RCVRN: variants seen among roughly 807,000 people sequenced by gnomAD.
The protein encoded by RCVRN is recoverin.
Under a neutral mutation model 20.4 loss-of-function variants are expected in RCVRN, and 23 were observed. That is an observed-to-expected ratio of 1.13 (90% CI 0.81 to 1.60). The LOEUF (loss-of-function observed/expected upper bound fraction) is 1.60. RCVRN is among the 40% of genes most tolerant of loss of function. The pLI is 0.00. For synonymous variants in RCVRN, 105 were observed against 105.9 expected (o/e 0.99, Z 0.05); for missense variants, 254 against 254.2 (o/e 1.00, Z 0.00).
At chr17:9,903,081 G>C (rs551253464) in intron 1 of RCVRN, among the ~76,000 whole-genome samples, 4 of 152,140 alleles carry the variant, frequency 2.6e-5, no homozygotes, top group Non-Finnish European at 4.4e-5. Context: ...ATAAAAAATC[G>C]TATGTGAATA....
chr17:9,900,446 C>A (rs1597414973), intron 2 of RCVRN, among the ~76,000 whole-genome samples: 1 of 131,700 alleles, frequency 7.6e-6, no homozygotes, highest in African/African-American at 4.4e-5. Context: ...GACTGCACTG[C>A]AGTCTCGGGC....
chr17:9,904,448 GTAAC>G lies in RCVRN; in HGVS notation c.381+348_381+351del, dbSNP rs1473152904. 2.0e-5 allele frequency among the ~76,000 whole-genome samples: 3 copies of G among 152,178 alleles called. No homozygotes were observed. The highest frequency in any genetic ancestry group is 7.2e-5 in the African/African-American group (3 of 41,440). On this transcript the variant is annotated intron_variant, in intron 1 of 2. Coordinates refer to ENST00000226193, the MANE Select transcript of RCVRN (RefSeq NM_002903.3). The surrounding 1 kb of genome is among the most constrained non-coding windows in gnomAD (Gnocchi z 5.8). ...ACACTAAATGCATTTGAAAAATAAA[GTAAC>G]TGTGCTATGACGTCACTAGGCAGTA... is the stretch of plus-strand genomic sequence containing the variant.
intron 2 of RCVRN, 97 bp from the exon 3 acceptor site, chr17:9,898,301 G>T: frequency 1.3e-6 from 1 of 764,520 alleles, no homozygotes; most frequent in Non-Finnish European, 2.4e-6. Context: ...TATCCCCAGT[G>T]TGAATGTATC....
chr17:9,904,850 C>T lies in RCVRN; in HGVS notation c.331G>A (p.Val111Met), dbSNP rs753741104. ...TTGCTGATGGTCCCGTTACCGTCCA[C>T]GTCGTAGAGGGAGAAGGCCCACTCC... ...KLEWAFSLYDVDGNGTISKNE... is the reference protein window; with the variant it reads ...KLEWAFSLYDMDGNGTISKNE... Residue 111 changes from valine (V) to methionine (M), a missense_variant, in exon 1 of 3, where the codon GTG becomes ATG. Coordinates refer to ENST00000226193, the MANE Select transcript of RCVRN (RefSeq NM_002903.3). This position sits in a 1 kb window ranked among gnomAD's most constrained non-coding sequence, Gnocchi z 5.8. 3.1e-6 allele frequency: 5 copies of T among 1,614,190 alleles called. No homozygotes were observed. Among genetic ancestry groups the T allele is most frequent in the African/African-American group, 2.7e-5 (2 of 75,042 alleles).
At chr17:9,902,922 G>C (rs1208554138) in intron 1 of RCVRN, among the ~76,000 whole-genome samples, 3 of 152,166 alleles carry the variant, frequency 2.0e-5, no homozygotes, top group African/African-American at 7.2e-5. Context: ...CCAGGAGGGG[G>C]AGGTTGCAGT....
chr17:9,898,739 T>C (rs2067329575), intron 2 of RCVRN, among the ~76,000 whole-genome samples: 1 of 151,986 alleles, frequency 6.6e-6, no homozygotes, highest in South Asian at 2.1e-4. Context: ...AGGGGGAGTG[T>C]GGCTTGCAGA....
chr17:9,904,196 G>C lies in RCVRN; in HGVS notation c.381+604C>G, dbSNP rs7207923. 2.6e-5 allele frequency among the ~76,000 whole-genome samples: 4 copies of C among 152,122 alleles called. No homozygotes were observed. The highest frequency in any genetic ancestry group is 9.7e-5 in the African/African-American group (4 of 41,406). ...GCAGAGGTTGCAGTGAGCCAAGATC[G>C]CACTATTGCACTCCAGCTCTGGGCT... On this transcript the variant is annotated intron_variant, in intron 1 of 2. Coordinates refer to ENST00000226193, the MANE Select transcript of RCVRN (RefSeq NM_002903.3). This position sits in a 1 kb window ranked among gnomAD's most constrained non-coding sequence, Gnocchi z 5.8.
rs185053069 is a variant in RCVRN at position 9,899,497 on chromosome 17, G to A, written c.494-1293C>T. On this transcript the variant is annotated intron_variant, in intron 2 of 2. Transcript: ENST00000226193. This position sits in a 1 kb window ranked among gnomAD's most constrained non-coding sequence, Gnocchi z 4.6. Reference sequence around the variant, plus strand: ...CCCCTCCCGGGATGTTCACCAGGGAGGTTTTCAGATGAGCAAAAAGCAGAA... The same window carrying A: ...CCCCTCCCGGGATGTTCACCAGGGAAGTTTTCAGATGAGCAAAAAGCAGAA... 6.6e-6 allele frequency among the ~76,000 whole-genome samples: 1 copy of A among 152,360 alleles called. No individual in the cohort carries two copies. The highest frequency in any genetic ancestry group is 1.9e-4 in the East Asian group (1 of 5,182).
Position 9,904,997 on chromosome 17 carries a change from G to C in RCVRN, c.184C>G (p.Pro62Ala), listed in dbSNP as rs371347601. ...AACACATGCTGGGCGTAGGCCTTGGGGTCGGTGTCGGGGAAGAACTTGGCG... is the reference window on the plus strand; with the variant it reads ...AACACATGCTGGGCGTAGGCCTTGGCGTCGGTGTCGGGGAAGAACTTGGCG... ...IYAKFFPDTDPKAYAQHVFRS... is the reference protein window; with the variant it reads ...IYAKFFPDTDAKAYAQHVFRS... The change falls in exon 1 of 3, where the codon CCC becomes GCC. Residue 62 changes from proline to alanine, a missense_variant. Transcript: ENST00000226193. The surrounding 1 kb of genome is among the most constrained non-coding windows in gnomAD (Gnocchi z 5.8). 1.2e-6 allele frequency: 2 copies of C among 1,614,190 alleles called. No homozygotes were observed. Among genetic ancestry groups the C allele is most frequent in the Non-Finnish European group, 1.7e-6 (2 of 1,180,036 alleles).
At position 9,897,157 on chromosome 17, in the gene RCVRN, G is replaced by A. The variant is rs77845977; in HGVS notation, c.*938C>T. On this transcript the variant is annotated 3_prime_UTR_variant, in exon 3 of 3. Coordinates refer to ENST00000226193, the MANE Select transcript of RCVRN (RefSeq NM_002903.3). Reference sequence around the variant, plus strand: ...CTACTTCCAACTCCACAGTGGCACCGCTGTCCCCATGGTGAGCCCCCAAGT... The same window carrying A: ...CTACTTCCAACTCCACAGTGGCACCACTGTCCCCATGGTGAGCCCCCAAGT... 0.16 allele frequency: 24,028 copies of A among 152,180 alleles called. 2,506 individuals are homozygous for A. Among genetic ancestry groups the A allele is most frequent in the Non-Finnish European group, 0.24 (16,117 of 68,112 alleles). 9.4% of individuals were successfully genotyped at this position (152,180 alleles called of 1,614,324 possible).
Position 9,897,984 on chromosome 17 carries a change from GT to G in RCVRN, c.*110del. ...CCTTTCTCTTGGCCCTGGGGTGGAT[GT>G]GTGTGTGTGTGTGTGCGCGCGCGTG... On this transcript the variant is annotated 3_prime_UTR_variant, in exon 3 of 3. Coordinates refer to ENST00000226193, the MANE Select transcript of RCVRN (RefSeq NM_002903.3). The G allele has an allele frequency of 2.5e-6, 1 of 404,654 alleles. No individual in the cohort carries two copies. Among genetic ancestry groups the G allele is most frequent in the Non-Finnish European group, 4.5e-6 (1 of 224,610 alleles). 25.1% of individuals were successfully genotyped at this position (404,654 alleles called of 1,614,324 possible). A position where few individuals can be genotyped will look rare whatever the true frequency, so the allele number is the denominator to read the frequency against.
At position 9,899,789 on chromosome 17, in the gene RCVRN, A is replaced by G. The variant is rs1327115384; in HGVS notation, c.493+1200T>C. 6.6e-6 allele frequency among the ~76,000 whole-genome samples: 1 copy of G among 152,114 alleles called. No homozygotes were observed. The highest frequency in any genetic ancestry group is 1.9e-4 in the East Asian group (1 of 5,184). ...AGCGCCTCCTTAAATTCTGTGTCCT[A>G]TGTTCCTCCTACCCCAATGACCTTC... On this transcript the variant is annotated intron_variant, in intron 2 of 2. Transcript: ENST00000226193. The surrounding 1 kb of genome is among the most constrained non-coding windows in gnomAD (Gnocchi z 4.6).
In RCVRN at chr17:9,903,043, T is replaced by C. The variant is rs541011979; in HGVS notation, c.381+1757A>G. 1.2e-3 allele frequency among the ~76,000 whole-genome samples: 187 copies of C among 152,242 alleles called. 1 individual carries two copies. Among genetic ancestry groups the C allele is most frequent in the African/African-American group, 4.2e-3 (175 of 41,544 alleles). On this transcript the variant is annotated intron_variant, in intron 1 of 2. Coordinates refer to ENST00000226193, the MANE Select transcript of RCVRN (RefSeq NM_002903.3). ...TATGTAATGATATGGAAAGCACTCATGATAAAAGAGTAACTGAAAAATGTA... is the reference window on the plus strand; with the variant it reads ...TATGTAATGATATGGAAAGCACTCACGATAAAAGAGTAACTGAAAAATGTA...
At chr17:9,898,239 A>C (rs1234537594) in intron 2 of RCVRN, 35 bp from the exon 3 acceptor site, 1 of 1,351,288 alleles carries the variant, frequency 7.4e-7, no homozygotes, top group Non-Finnish European at 1.1e-6. Context: ...CGTACATAAA[A>C]CAGTCAGGAT....
In RCVRN at chr17:9,897,879, A is replaced by G; in HGVS notation, c.*216T>C. 4 of 545,322 alleles carry G rather than the reference A, an allele frequency of 7.3e-6. No individual in the cohort carries two copies. The highest frequency in any genetic ancestry group is 1.3e-5 in the Non-Finnish European group (4 of 304,482). 33.8% of individuals were successfully genotyped at this position (545,322 alleles called of 1,614,324 possible). A position where few individuals can be genotyped will look rare whatever the true frequency, so the allele number is the denominator to read the frequency against. On this transcript the variant is annotated 3_prime_UTR_variant, in exon 3 of 3. Transcript: ENST00000226193. ...CGGGCATGATGGGAGGGAATGCTGA[A>G]GACCCAGGAAGAAGGAACCAGTGGG...
intron 2 of RCVRN, among the ~76,000 whole-genome samples, chr17:9,898,942 T>C (rs991735064): frequency 6.6e-6 from 1 of 152,200 alleles, no homozygotes; most frequent in African/African-American, 2.4e-5. Context: ...GGTGGCTAAC[T>C]GTATTCAGAT....
rs1555576656 is a variant in RCVRN, at chr17:9,897,999, TGC to T, written c.*94_*95del. ...TGGGGTGGATGTGTGTGTGTGTGTG[TGC>T]GCGCGCGTGTGTGTGCATGTGTGTG... is the stretch of plus-strand genomic sequence containing the variant. On this transcript the variant is annotated 3_prime_UTR_variant, in exon 3 of 3. Transcript: ENST00000226193. The T allele has an allele frequency of 8.6e-5, 63 of 731,232 alleles. No homozygotes were observed. The highest frequency in any genetic ancestry group is 1.3e-4 in the Non-Finnish European group (52 of 399,790). The allele number at this position is 731,232 out of a possible 1,614,324, so 45.3% of individuals were successfully genotyped here.
chr17:9,901,513 C>G (rs1281000367), intron 1 of RCVRN, among the ~76,000 whole-genome samples: 1 of 152,120 alleles, frequency 6.6e-6, no homozygotes, highest in African/African-American at 2.4e-5. Flanking sequence ...GTGAAATTAT[C>G]CTGGAGGGAA....
rs1464617317 is a variant in RCVRN, at chr17:9,897,372, C to G, written c.*723G>C. 6.6e-6 allele frequency: 1 copy of G among 151,860 alleles called. No individual in the cohort carries two copies. Among genetic ancestry groups the G allele is most frequent in the East Asian group, 2.0e-4 (1 of 5,106 alleles). The allele number at this position is 151,860 out of a possible 1,614,324, so 9.4% of individuals were successfully genotyped here. A position where few individuals can be genotyped will look rare whatever the true frequency, so the allele number is the denominator to read the frequency against. On this transcript the variant is annotated 3_prime_UTR_variant, in exon 3 of 3. Transcript: ENST00000226193. ...CCTTCTGTTTGAGACTTCCCCACCC[C>G]GACCCCGTCCCCCGCCTCGTGTGCA... is the stretch of plus-strand genomic sequence containing the variant.
Sources: allele counts gnomAD v4.1 joint callset (sites outside exome capture counted in the v4.1 genomes callset), GRCh38; gene constraint gnomAD v4.1.1; non-coding constraint Gnocchi (gnomAD v3.1); transcripts MANE v1.5; gene names NCBI Gene and HGNC (gene_info 2026-07-23, HGNC 2026-07-21).